The following RIC3 variants were observed in gnomAD, a reference collection of about 807,000 sequenced individuals.
RIC3 encodes RIC3 acetylcholine receptor chaperone.
In RIC3, 28 loss-of-function variants were observed where a neutral mutation model predicts 27.3. That is an observed-to-expected ratio of 1.02 (90% confidence interval 0.76 to 1.41). RIC3 has a LOEUF of 1.41. Among genes scored for constraint, RIC3 ranks in the 40% most tolerant of loss-of-function variants. The pLI is 0.00. For synonymous variants in RIC3, 184 were observed against 160.4 expected (o/e 1.15, Z -1.11); for missense variants, 501 against 444.7 (o/e 1.13, Z -1.14).
chr11:8,141,776 A>G (rs1949101311), intron 1 of RIC3, among the ~76,000 whole-genome samples: 1 of 152,184 alleles, frequency 6.6e-6, no homozygotes, highest in South Asian at 2.1e-4. Flanking sequence ...ACATACTTGG[A>G]AGTAAAGCTC....
At chr11:8,100,627 C>T in the RIC3 span, 2 of 1,602,242 alleles carry the variant, frequency 1.2e-6, no homozygotes, top group Non-Finnish European at 1.7e-6. Context: ...TTCCTCCCCT[C>T]TTTCCCCATC....
chr11:8,123,527 G>A (rs913614913), intron 5 of RIC3, among the ~76,000 whole-genome samples: 1 of 152,164 alleles, frequency 6.6e-6, no homozygotes, highest in Non-Finnish European at 1.5e-5. Flanking sequence ...CCAGGATCAA[G>A]AATAGAAGAG....
At chr11:8,093,070 A>G in the RIC3 span, among the ~76,000 whole-genome samples, 1 of 152,158 alleles carries the variant, frequency 6.6e-6, no homozygotes, top group Non-Finnish European at 1.5e-5. Flanking sequence ...CGGACCTTAC[A>G]GTCTAGGTGG....
intron 2 of RIC3, chr11:8,139,686 T>A: frequency 3.5e-6 from 1 of 284,912 alleles, no homozygotes; most frequent in Non-Finnish European, 6.5e-6. Flanking sequence ...TTGAATTGTA[T>A]CACTCACTGG....
Position 8,137,055 on chromosome 11 carries a change from G to A in RIC3, c.521+323C>T, listed in dbSNP as rs533559227. ...TTTTCTTTTTTTGAGATAGAATTTC[G>A]CTCTCATTGCCCAGGCTGGAGTGCA... On this transcript the variant is annotated intron_variant, in intron 4 of 5. Transcript: ENST00000309737. Among the ~76,000 whole-genome samples the A allele has an allele frequency of 6.6e-4, 100 of 151,732 alleles. 1 individual carries two copies. The South Asian group carries it at 0.018, about 27-fold the overall frequency.
chr11:8,130,760 G>A (rs1203086316), intron 4 of RIC3, among the ~76,000 whole-genome samples: 3 of 106,920 alleles, frequency 2.8e-5, no homozygotes, highest in African/African-American at 1.3e-4. Context: ...AAATAAGTGT[G>A]TGTTGTGGGG....
chr11:8,126,572 C>A, intron 5 of RIC3, 87 bp downstream of exon 5: 1 of 1,484,232 alleles, frequency 6.7e-7, no homozygotes, highest in African/African-American at 1.4e-5. Context: ...TATATTATAC[C>A]TCAATAATGA....
At chr11:8,095,751 G>C in the RIC3 span, 2 of 1,422,076 alleles carry the variant, frequency 1.4e-6, no homozygotes, top group Non-Finnish European at 1.9e-6. Flanking sequence ...TGGCCTTCCT[G>C]TGTCCAAACC....
chr11:8,149,277 A>AT (rs1950012440), intron 1 of RIC3, among the ~76,000 whole-genome samples: 1 of 151,952 alleles, frequency 6.6e-6, no homozygotes, highest in African/African-American at 2.4e-5. Context: ...GGAATGAAAG[A>AT]ATAGGAGAGA....
chr11:8,095,381 A>T, the RIC3 span: 1 of 1,117,106 alleles, frequency 9.0e-7, no homozygotes, highest in Non-Finnish European at 1.3e-6. Context: ...CACTTTTGCA[A>T]ATAAAGTTTT....
intron 1 of RIC3, among the ~76,000 whole-genome samples, chr11:8,162,827 G>A (rs1951306662): frequency 6.6e-6 from 1 of 151,458 alleles, no homozygotes. Context: ...TATATTTTTA[G>A]TAGAGACGGG....
At chr11:8,141,587 T>C (rs1014645213) in intron 1 of RIC3, among the ~76,000 whole-genome samples, 1 of 150,900 alleles carries the variant, frequency 6.6e-6, no homozygotes, top group African/African-American at 2.4e-5. Flanking sequence ...TGGGAGACTT[T>C]AACACCCCAC....
At chr11:8,168,539 C>A (rs1439386268) in intron 1 of RIC3, among the ~76,000 whole-genome samples, 1 of 152,184 alleles carries the variant, frequency 6.6e-6, no homozygotes, top group Non-Finnish European at 1.5e-5. Flanking sequence ...AGCACGTGAA[C>A]AAATGGTGAC....
chr11:8,152,203 T>A (rs1288529477), intron 1 of RIC3, among the ~76,000 whole-genome samples: 1 of 152,090 alleles, frequency 6.6e-6, no homozygotes, highest in African/African-American at 2.4e-5. Flanking sequence ...TCTCAAAAGG[T>A]TAAACATAGA....
intron 5 of RIC3, among the ~76,000 whole-genome samples, chr11:8,116,662 G>C (rs1945890965): frequency 6.6e-6 from 1 of 152,170 alleles, no homozygotes; most frequent in South Asian, 2.1e-4. Context: ...ATGAGAAAGT[G>C]CTCAACATCA....
In RIC3 at chr11:8,110,168, A is replaced by G; in HGVS notation, c.*530T>C. On this transcript the variant is annotated 3_prime_UTR_variant, in exon 6 of 6. Transcript: ENST00000309737. ...ACCCTCGCTGCGAGGAAGAGGCTTC[A>G]GCTTAGACAGCAGAGTCTTACCCTC... The G allele has an allele frequency of 5.7e-6, 1 of 176,292 alleles. No homozygotes were observed. The highest frequency in any genetic ancestry group is 1.2e-5 in the Non-Finnish European group (1 of 82,134). 10.9% of individuals were successfully genotyped at this position (176,292 alleles called of 1,614,324 possible).
chr11:8,117,215 T>C (rs1945945569), intron 5 of RIC3, among the ~76,000 whole-genome samples: 1 of 152,150 alleles, frequency 6.6e-6, no homozygotes, highest in Non-Finnish European at 1.5e-5. Context: ...ACTAGACACA[T>C]GCCACCATGC....
At chr11:8,168,249 G>A (rs906133818) in intron 1 of RIC3, among the ~76,000 whole-genome samples, 1 of 152,036 alleles carries the variant, frequency 6.6e-6, no homozygotes, top group Non-Finnish European at 1.5e-5. Flanking sequence ...TGCCAACAAC[G>A]AAGAATTAAC....
chr11:8,113,272 T>C (rs1945469992), intron 5 of RIC3, among the ~76,000 whole-genome samples: 1 of 152,148 alleles, frequency 6.6e-6, no homozygotes, highest in Admixed American at 6.5e-5. Context: ...ACAAAGCTTA[T>C]CTTTGAATTT....
Sources: gnomAD v4.1 joint callset for allele counts (sites outside exome capture counted in the v4.1 genomes callset) on GRCh38, gnomAD v4.1.1 for gene constraint, MANE v1.5 for transcripts, NCBI Gene and HGNC (gene_info 2026-07-23, HGNC 2026-07-21) for gene names.